SAMMSON: variants seen among roughly 807,000 people sequenced by gnomAD.
SAMMSON encodes survival associated mitochondrial melanoma specific oncogenic non-coding RNA.
At chr3:70,199,529 A>C (rs528965552) in intron 4 of SAMMSON, among the ~76,000 whole-genome samples, 112 of 152,268 alleles carry the variant, frequency 7.4e-4, no homozygotes, top group Admixed American at 2.5e-3. Flanking sequence ...TCTCTTGCCC[A>C]AAAACAACAT....
intron 3 of SAMMSON, among the ~76,000 whole-genome samples, chr3:70,020,227 T>G (rs193250872): frequency 6.6e-6 from 1 of 152,266 alleles, no homozygotes; most frequent in East Asian, 1.9e-4. Context: ...TTTATTCCCT[T>G]TTATTCTTTC....
chr3:70,140,344 G>A, intron 4 of SAMMSON: 1 of 220,182 alleles, frequency 4.5e-6, no homozygotes. Context: ...CTGGAGAAAT[G>A]TGTAAAGGCC....
At chr3:70,243,043 G>T (rs1701677041) in intron 4 of SAMMSON, among the ~76,000 whole-genome samples, 1 of 152,146 alleles carries the variant, frequency 6.6e-6, no homozygotes, top group African/African-American at 2.4e-5. Flanking sequence ...CATATTTCTG[G>T]TTATTCTTTT....
chr3:70,045,726 GT>G (rs34486767), intron 3 of SAMMSON, among the ~76,000 whole-genome samples: 8,490 of 152,068 alleles, frequency 0.056, 326 homozygotes, highest in South Asian at 0.14. Context: ...TGAATATATT[GT>G]TTGTGAAATA....
In SAMMSON at chr3:70,013,376, T is replaced by C. The variant is rs1346840801; in HGVS notation, n.265-144T>C. The C allele has an allele frequency of 2.0e-5, 3 of 152,150 alleles. 1 individual carries two copies. Among genetic ancestry groups the C allele is most frequent in the African/African-American group, 7.2e-5 (3 of 41,422 alleles). The allele number at this position is 152,150 out of a possible 1,614,324, so 9.4% of individuals were successfully genotyped here. A position where few individuals can be genotyped will look rare whatever the true frequency, so the allele number is the denominator to read the frequency against. Reference sequence around the variant, plus strand: ...TACATATAAAGCATTTGGCACATAGTAAGTGCTCAGTTATAGTCAGTCATG... The same window carrying C: ...TACATATAAAGCATTTGGCACATAGCAAGTGCTCAGTTATAGTCAGTCATG... On this transcript the variant is annotated intron_variant and non_coding_transcript_variant, in intron 2 of 9. Transcript: ENST00000642114.
chr3:70,201,824 A>G (rs1701242808), intron 4 of SAMMSON, among the ~76,000 whole-genome samples: 1 of 152,168 alleles, frequency 6.6e-6, no homozygotes, highest in Admixed American at 6.5e-5. Flanking sequence ...CAAGACTGGC[A>G]AAGATCATTT....
intron 4 of SAMMSON, among the ~76,000 whole-genome samples, chr3:70,077,771 G>A (rs979108384): frequency 1.3e-5 from 2 of 152,082 alleles, no homozygotes; most frequent in Non-Finnish European, 2.9e-5. Context: ...ACACATCTCC[G>A]ACCTCAGGGA....
chr3:70,051,418 CA>C (rs1209951844), intron 3 of SAMMSON, among the ~76,000 whole-genome samples: 4 of 143,398 alleles, frequency 2.8e-5, no homozygotes, highest in African/African-American at 1.0e-4. Context: ...TAGGTTGGTG[CA>C]AAAAGTAAGT....
chr3:70,068,157 A>G (rs1306435973), intron 3 of SAMMSON: 1 of 151,992 alleles, frequency 6.6e-6, no homozygotes, highest in Non-Finnish European at 1.5e-5. Flanking sequence ...TTGATTCCCA[A>G]TAGTCTTAAA....
At chr3:70,310,594 G>A (rs1015265753) in intron 7 of SAMMSON, among the ~76,000 whole-genome samples, 1 of 151,974 alleles carries the variant, frequency 6.6e-6, no homozygotes, top group African/African-American at 2.4e-5. Flanking sequence ...TTGATCTCCT[G>A]ACCGCAAGTG....
intron 9 of SAMMSON, among the ~76,000 whole-genome samples, chr3:70,374,333 G>C (rs1265700876): frequency 6.6e-6 from 1 of 152,156 alleles, no homozygotes; most frequent in Admixed American, 6.6e-5. Flanking sequence ...GGTATGATGA[G>C]TGATTTTTTA....
At chr3:70,045,510 A>T (rs9310181) in intron 3 of SAMMSON, among the ~76,000 whole-genome samples, 2 of 150,882 alleles carry the variant, frequency 1.3e-5, no homozygotes, top group East Asian at 2.0e-4. Context: ...CCATTAATAT[A>T]TTTTTTTTTC....
chr3:70,275,470 A>G (rs1465634018), intron 6 of SAMMSON, among the ~76,000 whole-genome samples: 1 of 152,198 alleles, frequency 6.6e-6, no homozygotes, highest in Non-Finnish European at 1.5e-5. Context: ...AGCAGTGATC[A>G]TGCCACTGCA....
At chr3:70,357,025 T>G (rs1702835284) in intron 8 of SAMMSON, among the ~76,000 whole-genome samples, 1 of 152,162 alleles carries the variant, frequency 6.6e-6, no homozygotes, top group African/African-American at 2.4e-5. Context: ...TAGTAGAGCC[T>G]GTAATCTAGA....
At chr3:70,337,153 AATAAT>A (rs1231540788) in intron 7 of SAMMSON, among the ~76,000 whole-genome samples, 1 of 64,860 alleles carries the variant, frequency 1.5e-5, no homozygotes, top group Non-Finnish European at 3.8e-5. Context: ...TATTATTAAT[AATAAT>A]ATCTAACTTA....
chr3:70,089,804 C>T (rs974180434), intron 4 of SAMMSON, among the ~76,000 whole-genome samples: 3 of 151,924 alleles, frequency 2.0e-5, no homozygotes, highest in Admixed American at 6.6e-5. Flanking sequence ...AGTATTTGTC[C>T]AGGAGCAACT....
At chr3:70,428,260 C>T (rs1559587650) in intron 2 of SAMMSON, among the ~76,000 whole-genome samples, 1 of 152,004 alleles carries the variant, frequency 6.6e-6, no homozygotes, top group Non-Finnish European at 1.5e-5. Flanking sequence ...ATAAAATTCA[C>T]ATGGAAATGC....
intron 7 of SAMMSON, among the ~76,000 whole-genome samples, chr3:70,294,635 T>C (rs1702272483): frequency 6.6e-6 from 1 of 152,204 alleles, no homozygotes; most frequent in South Asian, 2.1e-4. Flanking sequence ...ACAGAAAACG[T>C]CAACTCAAAC....
intron 3 of SAMMSON, among the ~76,000 whole-genome samples, chr3:70,037,504 G>C (rs1237209158): frequency 6.6e-6 from 1 of 152,100 alleles, no homozygotes; most frequent in Non-Finnish European, 1.5e-5. Flanking sequence ...TGAGGGCTGG[G>C]CCAAGAGATG....
Sources: allele counts gnomAD v4.1 joint callset (sites outside exome capture counted in the v4.1 genomes callset), GRCh38; gene constraint gnomAD v4.1.1; transcripts MANE v1.5; gene names NCBI Gene and HGNC (gene_info 2026-07-23, HGNC 2026-07-21).